Variants in RASSF4 observed in about 807,000 individuals in gnomAD.
RASSF4 encodes the protein Ras association domain family member 4.
RASSF4 carries 38 observed loss-of-function variants against 41.1 expected under a neutral mutation model. That is an observed-to-expected ratio of 0.92 (90% CI 0.71 to 1.21). The LOEUF is 1.21. Among genes scored for constraint, RASSF4 ranks in the 50% most tolerant of loss-of-function variants. RASSF4 has a pLI of 0.00. For synonymous variants in RASSF4, 179 were observed against 163.4 expected, an observed-to-expected ratio of 1.10 and a Z score of -0.73; for missense variants, 414 against 419.4, an observed-to-expected ratio of 0.99 and a Z score of 0.11.
At chr10:44,980,161 C>T (rs1373209634) in intron 3 of RASSF4, among the ~76,000 whole-genome samples, 1 of 152,140 alleles carries the variant, frequency 6.6e-6, no homozygotes, top group African/African-American at 2.4e-5. Flanking sequence ...GCAAGAGGGA[C>T]CGGCAGTCCC....
chr10:44,983,677 C>T (rs41306544), intron 4 of RASSF4: 9,734 of 264,706 alleles, frequency 0.037, 233 homozygotes, highest in East Asian at 0.063. Context: ...GGAAGCCCAG[C>T]GAGCCTGTTT....
At chr10:44,982,974 C>T (rs1011219231) in intron 4 of RASSF4, 3 of 632,414 alleles carry the variant, frequency 4.7e-6, no homozygotes, top group South Asian at 1.5e-5. Context: ...GCAAGCCGAA[C>T]ATGTCTCGCC....
In RASSF4 at chr10:44,984,937, G is replaced by A. The variant is rs761836638; in HGVS notation, c.498G>A (p.Arg166=). 1 of 1,613,180 alleles carries A rather than the reference G, an allele frequency of 6.2e-7. No individual in the cohort carries two copies. Among genetic ancestry groups the A allele is most frequent in the East Asian group, 2.2e-5 (1 of 44,878 alleles). Residue 166 remains arginine (R), a synonymous_variant, in exon 6 of 11, where the codon CGG becomes CGA. Transcript: ENST00000340258. ...PGEAQRIRRH[R]FSINGHFYNH... is the part of the protein sequence containing the mutation. ...AGGCCCAGCGCATCCGGCGACACCG[G>A]TTCTCTATCAACGGCCACTTCTACA...
At chr10:44,960,346 G>A (rs1840662080) in intron 1 of RASSF4, among the ~76,000 whole-genome samples, 1 of 152,214 alleles carries the variant, frequency 6.6e-6, no homozygotes, top group Admixed American at 6.5e-5. Context: ...ACTCCTCACA[G>A]CAAGTGAGAG....
intron 3 of RASSF4, chr10:44,977,825 G>C (rs113777396): frequency 6.2e-7 from 1 of 1,605,194 alleles, no homozygotes. Context: ...GGCCTGGGCT[G>C]GCCTGTGGGG....
At chr10:44,961,629 A>C (rs1829487377) in intron 1 of RASSF4, among the ~76,000 whole-genome samples, 1 of 152,202 alleles carries the variant, frequency 6.6e-6, no homozygotes, top group African/African-American at 2.4e-5. Context: ...TAGTAATGGG[A>C]GCCTCTTTTC....
intron 9 of RASSF4, 142 bp downstream of exon 9, chr10:44,991,211 G>T (rs1030646336): frequency 2.9e-6 from 2 of 681,536 alleles, no homozygotes; most frequent in Non-Finnish European, 4.4e-6. Flanking sequence ...TCCCAGCCTA[G>T]CACAGGGAGG....
At position 44,991,964 on chromosome 10, in the gene RASSF4, A is replaced by G; in HGVS notation, c.867A>G (p.Lys289=). The G allele has an allele frequency of 6.2e-7, 1 of 1,612,992 alleles. No homozygotes were observed. ...PVLDSFVEKL[K]EEEEREIIKL... is the part of the protein sequence containing the mutation. ...TGGACAGTTTTGTTGAAAAATTAAA[A>G]GAAGAGGAAGAAAGAGAAATAATCA... is the stretch of plus-strand genomic sequence containing the variant. Residue 289 remains lysine, a synonymous_variant, in exon 10 of 11, where the codon AAA becomes AAG. Coordinates refer to ENST00000340258, the MANE Select transcript of RASSF4 (RefSeq NM_032023.4).
chr10:44,977,843 G>A (rs370108065), intron 3 of RASSF4: 50 of 1,607,612 alleles, frequency 3.1e-5, no homozygotes, highest in Non-Finnish European at 4.1e-5. Context: ...GGGTGGCCTG[G>A]GTTGGCCCTG....
intron 1 of RASSF4, among the ~76,000 whole-genome samples, chr10:44,961,557 C>T (rs1840712031): frequency 6.6e-6 from 1 of 152,256 alleles, no homozygotes; most frequent in East Asian, 1.9e-4. Context: ...GCAGGCCTCA[C>T]ATTCCCATCT....
intron 6 of RASSF4, among the ~76,000 whole-genome samples, chr10:44,987,835 T>A (rs567763504): frequency 1.3e-4 from 20 of 152,170 alleles, no homozygotes; most frequent in Non-Finnish European, 2.8e-4. Context: ...AACTACAGTA[T>A]AGTATAAACA....
At chr10:44,966,683 G>A (rs1840914649) in intron 1 of RASSF4, among the ~76,000 whole-genome samples, 1 of 152,180 alleles carries the variant, frequency 6.6e-6, no homozygotes, top group Admixed American at 6.5e-5. Context: ...TGGTGCCTGT[G>A]GGTGTGTAAT....
At chr10:44,983,841 A>C in intron 4 of RASSF4, 181 bp from the exon 5 acceptor site, 37 of 989,008 alleles carry the variant, frequency 3.7e-5, no homozygotes, top group Non-Finnish European at 5.1e-5. Context: ...TGCTGGGGGG[A>C]GGCCTCTACT....
chr10:44,978,115 G>A (rs976009542), intron 3 of RASSF4: 23 of 1,477,626 alleles, frequency 1.6e-5, no homozygotes, highest in East Asian at 2.3e-5. Context: ...GCCCCTCAGC[G>A]TCACCACACT....
intron 6 of RASSF4, 112 bp from the exon 7 acceptor site, chr10:44,989,162 C>T: frequency 3.0e-6 from 2 of 662,160 alleles, no homozygotes; most frequent in East Asian, 2.6e-5. Flanking sequence ...TGGACAGGTG[C>T]AGGTGTTCCC....
chr10:44,971,633 C>T lies in RASSF4; in HGVS notation c.63-140C>T, dbSNP rs538678906. The T allele has an allele frequency of 1.8e-4, 135 of 767,946 alleles. 3 individuals are homozygous for T. The South Asian group carries it at 1.8e-3, about 10-fold the overall frequency. The allele number at this position is 767,946 out of a possible 1,614,324, so 47.6% of individuals were successfully genotyped here. A position where few individuals can be genotyped will look rare whatever the true frequency, so the allele number is the denominator to read the frequency against. On this transcript the variant is annotated intron_variant, in intron 2 of 10. Transcript: ENST00000340258. ...GTGCATTGCGATGGCAGTCTGGTCT[C>T]CTCTGGTTATGCCTGGCCGGCGAGA...
chr10:44,983,930 T>G, intron 4 of RASSF4, 92 bp from the exon 5 acceptor site: 1 of 1,548,438 alleles, frequency 6.5e-7, no homozygotes, highest in South Asian at 1.2e-5. Flanking sequence ...CCCGCCTGTG[T>G]CCTACCCCAG....
intron 3 of RASSF4, chr10:44,978,060 T>A: frequency 6.3e-7 from 1 of 1,589,952 alleles, no homozygotes; most frequent in Non-Finnish European, 8.5e-7. Context: ...GGCAACCTGT[T>A]GGGAAACAGA....
chr10:44,968,970 G>A (rs1841019220), intron 1 of RASSF4, among the ~76,000 whole-genome samples: 1 of 151,998 alleles, frequency 6.6e-6, no homozygotes, highest in South Asian at 2.1e-4. Flanking sequence ...GTGTGTGAGT[G>A]TGTGTCTGTG....
Sources: gnomAD v4.1 joint callset for allele counts (sites outside exome capture counted in the v4.1 genomes callset) on GRCh38, gnomAD v4.1.1 for gene constraint, MANE v1.5 for transcripts, NCBI Gene and HGNC (gene_info 2026-07-23, HGNC 2026-07-21) for gene names.